ADAMTS16: variants seen among roughly 807,000 people sequenced by gnomAD.
The protein encoded by ADAMTS16 is ADAM metallopeptidase with thrombospondin type 1 motif 16.
Under a neutral mutation model 145.8 loss-of-function variants are expected in ADAMTS16, and 94 were observed. The ratio of observed to expected loss-of-function variants is 0.64; its 90% CI spans 0.55 to 0.77. The LOEUF is 0.77. Ranked by LOEUF, ADAMTS16 falls within the 30% of genes least tolerant of loss-of-function variation. ADAMTS16 has a pLI of 0.00. For missense variants in ADAMTS16, 1,585 were observed against 1,591.5 expected, an observed-to-expected ratio of 1.00 and a Z score of 0.07; for synonymous variants, 659 against 604.3, an observed-to-expected ratio of 1.09 and a Z score of -1.33.
intron 18 of ADAMTS16, among the ~76,000 whole-genome samples, chr5:5,281,840 C>T (rs562388795): frequency 1.4e-4 from 21 of 152,048 alleles, no homozygotes; most frequent in Non-Finnish European, 2.4e-4. Flanking sequence ...ATTAATTTTT[C>T]GTGTGTGTAT....
rs745974617 is a variant in ADAMTS16 at position 5,242,161 on chromosome 5, C to G, written c.2632C>G (p.Arg878Gly). The change falls in exon 17 of 23, where the codon CGC becomes GGC. Residue 878 changes from arginine to glycine, a missense_variant. Around this residue, in one of 3 missense-constraint regions of ADAMTS16, gnomAD observed 834 missense variants for 811.7 expected, o/e 1.03. Coordinates refer to ENST00000274181, the MANE Select transcript of ADAMTS16 (RefSeq NM_139056.4). ...GCCCAGCTACACTTGGGCCATCGTG[C>G]GCTCTGAGTGCTCCGTGTCCTGCGG... is the stretch of plus-strand genomic sequence containing the variant. ...AQPSYTWAIV[R>G]SECSVSCGGG... 3.7e-6 allele frequency: 6 copies of G among 1,614,142 alleles called. No individual in the cohort carries two copies. In the Admixed American group the frequency reaches 6.7e-5, roughly 18 times the overall value.
chr5:5,186,956 T>C (rs1321430664), intron 5 of ADAMTS16, among the ~76,000 whole-genome samples: 6 of 152,212 alleles, frequency 3.9e-5, no homozygotes, highest in Non-Finnish European at 7.3e-5. Context: ...CATCTTTCCA[T>C]GATGTCATGT....
intron 13 of ADAMTS16, among the ~76,000 whole-genome samples, chr5:5,236,295 C>T (rs1235620568): frequency 8.5e-6 from 1 of 116,962 alleles, no homozygotes; most frequent in African/African-American, 3.0e-5. Context: ...ATTAATTGTC[C>T]CTCCCCTTTT....
rs572139904 is a variant in ADAMTS16 at position 5,301,590 on chromosome 5, C to T, written c.2790-1678C>T. On this transcript the variant is annotated intron_variant, in intron 18 of 22. Coordinates refer to ENST00000274181, the MANE Select transcript of ADAMTS16 (RefSeq NM_139056.4). Reference sequence around the variant, plus strand: ...AATGCCATTCTCGAGAACACTTCTCCCAGGTGCCGTGGCTGCTGCCAGAGG... The same window carrying T: ...AATGCCATTCTCGAGAACACTTCTCTCAGGTGCCGTGGCTGCTGCCAGAGG... Among the ~76,000 whole-genome samples, 7 of 152,306 alleles carry T rather than the reference C, an allele frequency of 4.6e-5. No individual in the cohort carries two copies. The South Asian group carries it at 1.4e-3, about 32-fold the overall frequency.
chr5:5,149,541 A>G (rs569865683), intron 3 of ADAMTS16, among the ~76,000 whole-genome samples: 45 of 152,350 alleles, frequency 3.0e-4, no homozygotes, highest in Non-Finnish European at 5.3e-4. Flanking sequence ...AAACAGCTTT[A>G]TTGAGATGTA....
intron 4 of ADAMTS16, 112 bp from the exon 5 acceptor site, chr5:5,185,939 TG>T: frequency 1.2e-6 from 1 of 832,944 alleles, no homozygotes; most frequent in Non-Finnish European, 1.9e-6. Flanking sequence ...AAGGTTTATG[TG>T]GTTTTTATCA....
chr5:5,193,534 T>G (rs1301135829), intron 8 of ADAMTS16, among the ~76,000 whole-genome samples: 1 of 152,198 alleles, frequency 6.6e-6, no homozygotes, highest in Non-Finnish European at 1.5e-5. Context: ...ACTGAGGGCT[T>G]AGCCAGTGAA....
chr5:5,176,045 T>C (rs1735187044), intron 3 of ADAMTS16: 1 of 151,764 alleles, frequency 6.6e-6, no homozygotes, highest in Non-Finnish European at 1.5e-5. Flanking sequence ...GGTTGTCCAA[T>C]CTGGTGCTCC....
At chr5:5,268,343 C>G (rs1341728996) in intron 18 of ADAMTS16, among the ~76,000 whole-genome samples, 2 of 152,204 alleles carry the variant, frequency 1.3e-5, no homozygotes, top group Non-Finnish European at 2.9e-5. Flanking sequence ...GGGAGGACCC[C>G]AAGATAGGAG....
intron 10 of ADAMTS16, among the ~76,000 whole-genome samples, chr5:5,212,194 TTTTTG>T (rs1409348881): frequency 1.8e-5 from 2 of 109,608 alleles, no homozygotes; most frequent in South Asian, 7.1e-4. Context: ...TCTGGGGTTT[TTTTTG>T]TTTTGTTTTG....
intron 10 of ADAMTS16, among the ~76,000 whole-genome samples, chr5:5,220,156 C>CTTTTTT (rs11323873): frequency 8.5e-6 from 1 of 118,244 alleles, no homozygotes; most frequent in African/African-American, 3.4e-5. Context: ...AATAATTTAA[C>CTTTTTT]TTTTTTTTTT....
At chr5:5,235,710 TAA>T (rs1193093519) in intron 13 of ADAMTS16, among the ~76,000 whole-genome samples, 2 of 152,200 alleles carry the variant, frequency 1.3e-5, no homozygotes, top group Non-Finnish European at 1.5e-5. Context: ...GGGAAAGAAA[TAA>T]GTGTTGTTTT....
chr5:5,215,778 ATGGTATATATATGTG>A (rs200219964), intron 10 of ADAMTS16, among the ~76,000 whole-genome samples: 48,048 of 119,190 alleles, frequency 0.4, 11,475 homozygotes, highest in African/African-American at 0.58. Context: ...GTATATATAT[ATGGTATATATATGTG>A]TGGTATATAT....
At chr5:5,246,130 T>C (rs1737431986) in intron 17 of ADAMTS16, among the ~76,000 whole-genome samples, 1 of 152,212 alleles carries the variant, frequency 6.6e-6, no homozygotes, top group Non-Finnish European at 1.5e-5. Flanking sequence ...ATATACGCTG[T>C]CATCTTTTAA....
chr5:5,168,755 AATTAT>A (rs1444526954), intron 3 of ADAMTS16, among the ~76,000 whole-genome samples: 17 of 139,672 alleles, frequency 1.2e-4, no homozygotes, highest in Non-Finnish European at 2.0e-4. Flanking sequence ...ATAATTATAT[AATTAT>A]ATTTTATTAT....
chr5:5,298,988 G>A (rs1027778914), intron 18 of ADAMTS16, among the ~76,000 whole-genome samples: 8 of 151,932 alleles, frequency 5.3e-5, no homozygotes, highest in Non-Finnish European at 1.0e-4. Context: ...AAGAGGCACC[G>A]CCTAGCGAAT....
intron 16 of ADAMTS16, among the ~76,000 whole-genome samples, chr5:5,240,604 C>T (rs1462027334): frequency 1.3e-5 from 2 of 152,146 alleles, no homozygotes; most frequent in African/African-American, 4.8e-5. Flanking sequence ...AAAAGTTGCC[C>T]CATCCACCTA....
intron 3 of ADAMTS16, among the ~76,000 whole-genome samples, chr5:5,164,823 C>G (rs1162119457): frequency 6.6e-6 from 1 of 152,100 alleles, no homozygotes; most frequent in African/African-American, 2.4e-5. Flanking sequence ...ACTACAGGCG[C>G]CCGCCACCAC....
intron 10 of ADAMTS16, among the ~76,000 whole-genome samples, chr5:5,216,595 CT>C (rs563458920): frequency 1.6e-3 from 201 of 129,528 alleles, no homozygotes; most frequent in East Asian, 6.3e-3. Context: ...TCATGAAATT[CT>C]TTTTTTTTTT....
Sources: allele counts gnomAD v4.1 joint callset (sites outside exome capture counted in the v4.1 genomes callset), GRCh38; gene constraint gnomAD v4.1.1; regional missense constraint gnomAD v4.1.1; transcripts MANE v1.5; gene names NCBI Gene and HGNC (gene_info 2026-07-23, HGNC 2026-07-21).